The following PRH1 variants were observed in gnomAD, a reference collection of about 807,000 sequenced individuals.
PRH1 encodes proline rich protein HaeIII subfamily 1.
In PRH1, 7 loss-of-function variants were observed where a neutral mutation model predicts 7.9. The observed-to-expected ratio is 0.89, with a 90% CI of 0.50 to 1.67. The LOEUF (loss-of-function observed/expected upper bound fraction) is 1.67. PRH1 is among the 40% of genes most tolerant of loss of function. The probability of loss-of-function intolerance (pLI) is 0.00; values close to 1 mark genes in which losing one functional copy is unlikely to be tolerated. For synonymous variants in PRH1, 45 were observed against 80.8 expected (o/e 0.56, Z 2.38); for missense variants, 109 against 223.6 (o/e 0.49, Z 3.27).
At chr12:10,998,507 C>T (rs1940414606) in intron 1 of PRH1, among the ~76,000 whole-genome samples, 2 of 152,180 alleles carry the variant, frequency 1.3e-5, no homozygotes, top group Admixed American at 6.6e-5. Context: ...TTCTATATGG[C>T]ATCACTATTA....
At chr12:10,903,952 A>C (rs796106589) in intron 2 of PRH1, among the ~76,000 whole-genome samples, 2,567 of 144,876 alleles carry the variant, frequency 0.018, 33 homozygotes, top group African/African-American at 0.038. Context: ...AAAAAAAAAA[A>C]AACAACTAGG....
intron 2 of PRH1, among the ~76,000 whole-genome samples, chr12:10,905,361 C>G (rs569019458): frequency 2.0e-5 from 3 of 151,986 alleles, no homozygotes; most frequent in Non-Finnish European, 2.9e-5. Flanking sequence ...AATCAACCTA[C>G]GTGCCCATCA....
chr12:10,920,256 T>C (rs1314165639), intron 2 of PRH1, among the ~76,000 whole-genome samples: 1 of 152,102 alleles, frequency 6.6e-6, no homozygotes, highest in Admixed American at 6.5e-5. Flanking sequence ...AAGAATTGTC[T>C]GAATTATTTT....
chr12:11,151,157 T>C (rs1327975847), intron 1 of PRH1, among the ~76,000 whole-genome samples: 1 of 152,204 alleles, frequency 6.6e-6, no homozygotes, highest in Non-Finnish European at 1.5e-5. Context: ...TTTTCCTGTC[T>C]TGGGATTTAC....
intron 1 of PRH1, among the ~76,000 whole-genome samples, chr12:11,018,904 TG>T (rs1325837060): frequency 3.9e-5 from 6 of 152,260 alleles, no homozygotes; most frequent in Non-Finnish European, 5.9e-5. Flanking sequence ...CCGAAGGGAC[TG>T]TCTGGTGGGG....
At chr12:10,909,611 C>A in intron 2 of PRH1, 1 of 319,928 alleles carries the variant, frequency 3.1e-6, no homozygotes. Context: ...CATTTGCAAC[C>A]ATGCAAATAA....
intron 2 of PRH1, among the ~76,000 whole-genome samples, chr12:10,939,923 T>C (rs1565486416): frequency 6.6e-6 from 1 of 152,218 alleles, no homozygotes; most frequent in Non-Finnish European, 1.5e-5. Context: ...ATTAGTTTCA[T>C]TTAATTATTC....
chr12:11,112,482 T>C (rs1035011606), intron 1 of PRH1, among the ~76,000 whole-genome samples: 3 of 151,956 alleles, frequency 2.0e-5, no homozygotes, highest in African/African-American at 4.8e-5. Flanking sequence ...AACCCTGGGA[T>C]GCAAGGCTGG....
intron 1 of PRH1, among the ~76,000 whole-genome samples, chr12:11,037,203 T>A (rs1439268224): frequency 6.6e-6 from 1 of 152,236 alleles, no homozygotes; most frequent in Non-Finnish European, 1.5e-5. Context: ...GTATATCAAC[T>A]TTAGTTTATC....
chr12:11,104,399 G>T (rs553563384), intron 1 of PRH1, among the ~76,000 whole-genome samples: 2 of 151,856 alleles, frequency 1.3e-5, no homozygotes, highest in Admixed American at 1.3e-4. Context: ...CAAACTTTAC[G>T]TCAATGAGAT....
At chr12:11,107,780 C>T (rs780405680) in intron 1 of PRH1, among the ~76,000 whole-genome samples, 4 of 152,172 alleles carry the variant, frequency 2.6e-5, no homozygotes, top group Non-Finnish European at 5.9e-5. Context: ...GGGACTACTG[C>T]AATTTGATAG....
At chr12:10,976,312 C>G (rs1379875697) in intron 1 of PRH1, among the ~76,000 whole-genome samples, 1 of 152,132 alleles carries the variant, frequency 6.6e-6, no homozygotes, top group East Asian at 1.9e-4. Context: ...CAACCCTCTC[C>G]TGAATGAATT....
At chr12:11,058,371 T>C (rs1460869320) in intron 1 of PRH1, among the ~76,000 whole-genome samples, 1 of 152,206 alleles carries the variant, frequency 6.6e-6, no homozygotes, top group Non-Finnish European at 1.5e-5. Context: ...ACTGACAACA[T>C]AGGTGATGTT....
At chr12:11,141,880 T>C (rs1041761654) in intron 1 of PRH1, among the ~76,000 whole-genome samples, 3 of 152,178 alleles carry the variant, frequency 2.0e-5, no homozygotes, top group Admixed American at 6.5e-5. Context: ...CTCAAACTTT[T>C]GGGCCCAAGT....
At chr12:11,081,951 T>C (rs1224523112) in intron 1 of PRH1, among the ~76,000 whole-genome samples, 1 of 104,638 alleles carries the variant, frequency 9.6e-6, no homozygotes, top group Non-Finnish European at 2.3e-5. Flanking sequence ...TTTCATAGTG[T>C]TACATGGATT....
chr12:11,008,428 AG>A (rs1269476516), intron 1 of PRH1, among the ~76,000 whole-genome samples: 1 of 152,110 alleles, frequency 6.6e-6, no homozygotes, highest in Admixed American at 6.6e-5. Flanking sequence ...GGGCAAGACA[AG>A]GAACACTGCA....
At chr12:10,884,751 A>C (rs1274167357), upstream of PRH1, among the ~76,000 whole-genome samples, 2 of 152,082 alleles carry the variant, frequency 1.3e-5, no homozygotes, top group African/African-American at 4.8e-5. Context: ...TAAATTTTTC[A>C]TGTAACAGAG....
At chr12:11,137,111 A>C (rs1447120238) in intron 1 of PRH1, among the ~76,000 whole-genome samples, 1 of 151,960 alleles carries the variant, frequency 6.6e-6, no homozygotes, top group Non-Finnish European at 1.5e-5. Flanking sequence ...CCACAAACTC[A>C]CCTTATAGGG....
chr12:10,997,918 C>T (rs1039417838), intron 1 of PRH1: 1 of 1,268,852 alleles, frequency 7.9e-7, no homozygotes, highest in African/African-American at 1.5e-5. Context: ...CCTAATGTCA[C>T]TGATGGTGAC....
Sources: allele counts gnomAD v4.1 joint callset (sites outside exome capture counted in the v4.1 genomes callset), GRCh38; gene constraint gnomAD v4.1.1; transcripts MANE v1.5; gene names NCBI Gene and HGNC (gene_info 2026-07-23, HGNC 2026-07-21).